Variants in HCRTR2 observed in about 807,000 individuals in gnomAD.
HCRTR2 encodes hypocretin receptor 2.
In HCRTR2, 22 loss-of-function variants were observed where a neutral mutation model predicts 49.0. That is an observed-to-expected ratio of 0.45 (90% CI 0.32 to 0.64). The LOEUF (loss-of-function observed/expected upper bound fraction) is 0.64, where lower values mean the gene tolerates loss of function less well. Among genes scored for constraint, HCRTR2 ranks in the 30% least tolerant of loss-of-function variants. The pLI is 0.04. For synonymous variants in HCRTR2, 236 were observed against 205.3 expected (o/e 1.15, Z -1.28); for missense variants, 491 against 559.4 (o/e 0.88, Z 1.23).
chr6:55,189,764 A>G (rs185444814), intron 1 of HCRTR2, among the ~76,000 whole-genome samples: 75 of 152,326 alleles, frequency 4.9e-4, no homozygotes, highest in Non-Finnish European at 7.3e-5. Flanking sequence ...ACAAACCTGC[A>G]CGTCCTGCAC....
At chr6:55,231,474 CTTAT>C (rs977497293) in intron 1 of HCRTR2, among the ~76,000 whole-genome samples, 15 of 152,028 alleles carry the variant, frequency 9.9e-5, no homozygotes, top group African/African-American at 3.4e-4. Context: ...AAGTGTTCCA[CTTAT>C]TTATTTCTAA....
At chr6:55,157,849 A>G (rs1764751113) in intron 1 of HCRTR2, among the ~76,000 whole-genome samples, 1 of 152,204 alleles carries the variant, frequency 6.6e-6, no homozygotes, top group African/African-American at 2.4e-5. Context: ...CAATGATCAA[A>G]AACTTAGATT....
At chr6:55,141,119 G>A (rs991470968) in intron 1 of HCRTR2, among the ~76,000 whole-genome samples, 2 of 151,684 alleles carry the variant, frequency 1.3e-5, no homozygotes, top group East Asian at 1.9e-4. Context: ...TGGATCACGA[G>A]GTCAGGAGAT....
chr6:55,150,793 A>G (rs1159367015), intron 1 of HCRTR2, among the ~76,000 whole-genome samples: 1 of 152,054 alleles, frequency 6.6e-6, no homozygotes, highest in African/African-American at 2.4e-5. Context: ...GTTTTAATAA[A>G]CATGAGAGTG....
intron 1 of HCRTR2, among the ~76,000 whole-genome samples, chr6:55,223,898 G>T (rs746354285): frequency 6.6e-6 from 1 of 152,176 alleles, no homozygotes; most frequent in Non-Finnish European, 1.5e-5. Flanking sequence ...TATATGCAGA[G>T]CTGTTAATGG....
intron 1 of HCRTR2, among the ~76,000 whole-genome samples, chr6:55,119,162 C>T (rs1204582368): frequency 6.6e-6 from 1 of 151,980 alleles, no homozygotes; most frequent in African/African-American, 2.4e-5. Flanking sequence ...GTATATGTGC[C>T]ATGTTTTCTT....
downstream of HCRTR2, among the ~76,000 whole-genome samples, chr6:55,284,586 CCAT>C (rs1338565426): frequency 1.8e-4 from 28 of 152,186 alleles, no homozygotes; most frequent in Non-Finnish European, 3.5e-4. Flanking sequence ...ACAGGGGCCA[CCAT>C]CATCGCTACC....
intron 1 of HCRTR2, among the ~76,000 whole-genome samples, chr6:55,109,512 A>T (rs2127610266): frequency 6.6e-6 from 1 of 152,248 alleles, no homozygotes; most frequent in South Asian, 2.1e-4. Context: ...CCAGAGAAAT[A>T]GGTAGCATAA....
chr6:55,142,293 T>C (rs1214463359), intron 1 of HCRTR2, among the ~76,000 whole-genome samples: 1 of 151,422 alleles, frequency 6.6e-6, no homozygotes, highest in Non-Finnish European at 1.5e-5. Context: ...CTCTCCTGGG[T>C]TCAAGCCATT....
intron 1 of HCRTR2, among the ~76,000 whole-genome samples, chr6:55,209,301 G>GA (rs1765657306): frequency 6.6e-6 from 1 of 152,090 alleles, no homozygotes; most frequent in African/African-American, 2.4e-5. Flanking sequence ...AAATTAATTA[G>GA]AAAAAAGTTA....
At chr6:55,232,244 C>T (rs1006603917) in intron 1 of HCRTR2, among the ~76,000 whole-genome samples, 7 of 152,052 alleles carry the variant, frequency 4.6e-5, no homozygotes, top group South Asian at 2.1e-4. Context: ...ATTAGTCAAA[C>T]GGGCAATTAA....
chr6:55,278,075 A>T (rs1035730636), intron 5 of HCRTR2, among the ~76,000 whole-genome samples: 19 of 152,258 alleles, frequency 1.2e-4, no homozygotes, highest in East Asian at 5.8e-4. Context: ...AGCACTTTTT[A>T]AAAAAAGCCA....
At chr6:55,259,979 A>T (rs566127216) in intron 3 of HCRTR2, among the ~76,000 whole-genome samples, 1 of 152,154 alleles carries the variant, frequency 6.6e-6, no homozygotes, top group South Asian at 2.1e-4. Flanking sequence ...CAAACAATCT[A>T]TCCTACCCTG....
intron 3 of HCRTR2, among the ~76,000 whole-genome samples, chr6:55,259,893 T>G (rs890159329): frequency 6.6e-6 from 1 of 152,124 alleles, no homozygotes; most frequent in Non-Finnish European, 1.5e-5. Context: ...TAATTTAAAA[T>G]TTCAATGGCA....
At chr6:55,283,731 G>C (rs1400677944), downstream of HCRTR2, among the ~76,000 whole-genome samples, 1 of 152,052 alleles carries the variant, frequency 6.6e-6, no homozygotes, top group Non-Finnish European at 1.5e-5. Context: ...TGTTCTGATT[G>C]TATTGAAACA....
upstream of HCRTR2, among the ~76,000 whole-genome samples, chr6:55,171,071 A>T (rs1764943310): frequency 6.6e-6 from 1 of 152,092 alleles, no homozygotes; most frequent in Admixed American, 6.6e-5. Flanking sequence ...TAGCAGCATG[A>T]TTTATAATCC....
At chr6:55,153,940 G>GACAGGAGACATT (rs1167139531) in intron 1 of HCRTR2, among the ~76,000 whole-genome samples, 2 of 151,624 alleles carry the variant, frequency 1.3e-5, no homozygotes, top group Non-Finnish European at 3.0e-5. Context: ...TTGGAAATGA[G>GACAGGAGACATT]ACAGGAGACA....
At chr6:55,269,767 T>C (rs1231125917) in intron 4 of HCRTR2, among the ~76,000 whole-genome samples, 1 of 152,074 alleles carries the variant, frequency 6.6e-6, no homozygotes, top group Non-Finnish European at 1.5e-5. Flanking sequence ...AAGACCAGCA[T>C]AGTCAACGTG....
chr6:55,114,246 C>A (rs923492118), intron 1 of HCRTR2, among the ~76,000 whole-genome samples: 1 of 151,516 alleles, frequency 6.6e-6, no homozygotes, highest in African/African-American at 2.4e-5. Context: ...AACCAAACAC[C>A]ACCTGCTTCT....
Sources: allele counts gnomAD v4.1 joint callset (sites outside exome capture counted in the v4.1 genomes callset), GRCh38; gene constraint gnomAD v4.1.1; transcripts MANE v1.5; gene names NCBI Gene and HGNC (gene_info 2026-07-23, HGNC 2026-07-21).